PCBP3: variants seen among roughly 807,000 people sequenced by gnomAD.
The protein encoded by PCBP3 is poly(rC) binding protein 3, also known as poly(rC)-binding protein 3.
Under a neutral mutation model 52.7 loss-of-function variants are expected in PCBP3, and 25 were observed. The ratio of observed to expected loss-of-function variants is 0.47; its 90% confidence interval spans 0.35 to 0.66. PCBP3 has a LOEUF of 0.66. Among genes scored for constraint, PCBP3 ranks in the 30% least tolerant of loss-of-function variants. The probability of loss-of-function intolerance (pLI) is 0.01; values close to 1 mark genes in which losing one functional copy is unlikely to be tolerated. For synonymous variants in PCBP3, 162 were observed against 183.0 expected (o/e 0.89, Z 0.93); for missense variants, 391 against 490.3 (o/e 0.80, Z 1.91).
chr21:45,802,722 G>C lies in PCBP3; in HGVS notation c.-125-47239G>C, dbSNP rs562103261. ...CCCTGAGGGAGGCAGGAGCAGGAGGGGCATCGTGTCCCCAAGGACCCCAGG... is the reference window on the plus strand; with the variant it reads ...CCCTGAGGGAGGCAGGAGCAGGAGGCGCATCGTGTCCCCAAGGACCCCAGG... On this transcript the variant is annotated intron_variant, in intron 4 of 17. Transcript: ENST00000681687. The surrounding 1 kb of genome is among the most constrained non-coding windows in gnomAD (Gnocchi z 5.1). Among the ~76,000 whole-genome samples, 23 of 152,270 alleles carry C rather than the reference G, an allele frequency of 1.5e-4. No individual in the cohort carries two copies. The South Asian group carries it at 4.8e-3, about 32-fold the overall frequency.
At chr21:45,906,840 G>T (rs2096221862) in intron 9 of PCBP3, among the ~76,000 whole-genome samples, 1 of 152,222 alleles carries the variant, frequency 6.6e-6, no homozygotes, top group South Asian at 2.1e-4. Context: ...CCAATCAAGG[G>T]CCCAAGGGTT....
At chr21:45,902,178 G>A (rs1014602496) in intron 9 of PCBP3, among the ~76,000 whole-genome samples, 2 of 152,326 alleles carry the variant, frequency 1.3e-5, no homozygotes, top group Non-Finnish European at 2.9e-5. Context: ...GTTGGAACTG[G>A]GGATGCACAT....
At chr21:45,749,855 A>G (rs1321080615) in intron 3 of PCBP3, 3 of 152,108 alleles carry the variant, frequency 2.0e-5, no homozygotes, top group Non-Finnish European at 4.4e-5. Context: ...AATGTCTTTT[A>G]TATTATTTTC....
At chr21:45,930,889 G>A in intron 15 of PCBP3, 44 bp downstream of exon 15, 5 of 1,610,266 alleles carry the variant, frequency 3.1e-6, no homozygotes, top group Non-Finnish European at 4.2e-6. Context: ...CAGGGCAGCA[G>A]AGCAGAGCCC....
At position 45,735,065 on chromosome 21, in the gene PCBP3, T is replaced by G. The variant is rs546145329; in HGVS notation, c.-199-327T>G. On this transcript the variant is annotated intron_variant, in intron 2 of 17. Transcript: ENST00000681687. This position sits in a 1 kb window ranked among gnomAD's most constrained non-coding sequence, Gnocchi z 4.0. The stretch of plus-strand genomic sequence containing the variant: ...TGTGTTCTTACCTTCCCCTATAGAT[T>G]CAGAGGGATTTGAGAATCAGCTGTG... Among the ~76,000 whole-genome samples, 42 of 152,280 alleles carry G rather than the reference T, an allele frequency of 2.8e-4. No individual in the cohort carries two copies. The highest frequency in any genetic ancestry group is 1.2e-3 in the South Asian group (6 of 4,830).
chr21:45,854,616 T>C (rs1416239904), intron 5 of PCBP3, among the ~76,000 whole-genome samples: 1 of 152,238 alleles, frequency 6.6e-6, no homozygotes, highest in Non-Finnish European at 1.5e-5. Context: ...CTGACCGATA[T>C]CCTGTTGTAT....
chr21:45,848,855 G>A (rs1035216452), intron 4 of PCBP3, among the ~76,000 whole-genome samples: 3 of 152,118 alleles, frequency 2.0e-5, no homozygotes, highest in Non-Finnish European at 2.9e-5. Flanking sequence ...GAGTGTCTGC[G>A]ACTTGGAGAA....
intron 4 of PCBP3, among the ~76,000 whole-genome samples, chr21:45,797,936 A>G (rs1054694542): frequency 0.01 from 57 of 5,476 alleles, no homozygotes; most frequent in African/African-American, 0.029. Context: ...GGATGCCTAC[A>G]TGGATGAATG....
At position 45,656,419 on chromosome 21, in the gene PCBP3, C is replaced by T. The variant is rs1200704174; in HGVS notation, c.-278-12455C>T. 2.0e-5 allele frequency among the ~76,000 whole-genome samples: 3 copies of T among 152,056 alleles called. No individual in the cohort carries two copies. Among genetic ancestry groups the T allele is most frequent in the African/African-American group, 7.3e-5 (3 of 41,366 alleles). On this transcript the variant is annotated intron_variant, in intron 1 of 17. Transcript: ENST00000681687. This position sits in a 1 kb window ranked among gnomAD's most constrained non-coding sequence, Gnocchi z 4.3. ...CAGAAAACCAAACACCGCATGTTCTCACTCATAAGTGGGAGTTGAACAATG... is the reference window on the plus strand; with the variant it reads ...CAGAAAACCAAACACCGCATGTTCTTACTCATAAGTGGGAGTTGAACAATG...
intron 1 of PCBP3, among the ~76,000 whole-genome samples, chr21:45,644,967 G>T (rs1569068479): frequency 6.6e-6 from 1 of 152,156 alleles, no homozygotes; most frequent in Non-Finnish European, 1.5e-5. Flanking sequence ...CTATTTAAGA[G>T]AACTAACTCC....
At chr21:45,863,961 A>G (rs1283689757) in intron 5 of PCBP3, among the ~76,000 whole-genome samples, 2 of 152,220 alleles carry the variant, frequency 1.3e-5, no homozygotes, top group African/African-American at 4.8e-5. Context: ...GCCCGCTCAG[A>G]TGATGAGGCT....
chr21:45,858,826 G>A (rs896432653), intron 5 of PCBP3: 1 of 152,120 alleles, frequency 6.6e-6, no homozygotes, highest in Non-Finnish European at 1.5e-5. Flanking sequence ...TGAATCATGG[G>A]GGCGGGTCTT....
chr21:45,841,738 G>A (rs921683942), intron 4 of PCBP3, among the ~76,000 whole-genome samples: 1 of 152,180 alleles, frequency 6.6e-6, no homozygotes, highest in Non-Finnish European at 1.5e-5. Flanking sequence ...ACTATTAGGA[G>A]AAAGTTTTCT....
intron 4 of PCBP3, among the ~76,000 whole-genome samples, chr21:45,803,543 A>G (rs529071583): frequency 4.3e-4 from 65 of 152,210 alleles, no homozygotes; most frequent in South Asian, 3.9e-3. Flanking sequence ...GGTCGGGAAA[A>G]AGCCGTGGTG....
intron 2 of PCBP3, among the ~76,000 whole-genome samples, chr21:45,673,241 T>A (rs2147329132): frequency 6.6e-6 from 1 of 152,340 alleles, no homozygotes; most frequent in Admixed American, 6.5e-5. Flanking sequence ...TTTGACCCAT[T>A]TTCTACTTCC....
intron 13 of PCBP3, chr21:45,918,056 T>G: frequency 3.7e-6 from 1 of 269,638 alleles, no homozygotes; most frequent in Admixed American, 4.8e-5. Flanking sequence ...GAGGGCCTGG[T>G]GAAATTAACT....
intron 2 of PCBP3, among the ~76,000 whole-genome samples, chr21:45,680,881 T>C (rs2081797377): frequency 6.6e-6 from 1 of 152,224 alleles, no homozygotes; most frequent in Admixed American, 6.5e-5. Flanking sequence ...TGTACTGCTA[T>C]AACAAAATAC....
Position 45,800,235 on chromosome 21 carries a change from C to T in PCBP3, c.-126+44783C>T, listed in dbSNP as rs527318825. ...TCTTGCAGCTTTTTCTTGGGAGCAC[C>T]GGGCCAAGCCAGAGGCTCCTGGCAG... On this transcript the variant is annotated intron_variant, in intron 4 of 17. Transcript: ENST00000681687. The surrounding 1 kb of genome is among the most constrained non-coding windows in gnomAD (Gnocchi z 5.3). 2.0e-4 allele frequency among the ~76,000 whole-genome samples: 30 copies of T among 152,246 alleles called. No individual in the cohort carries two copies. Among genetic ancestry groups the T allele is most frequent in the African/African-American group, 5.3e-4 (22 of 41,544 alleles).
chr21:45,778,426 A>G (rs1455587119), intron 4 of PCBP3, among the ~76,000 whole-genome samples: 1 of 152,204 alleles, frequency 6.6e-6, no homozygotes, highest in Non-Finnish European at 1.5e-5. Context: ...GATACTGGTA[A>G]TAGCAGCAGT....
Sources: allele counts gnomAD v4.1 joint callset (sites outside exome capture counted in the v4.1 genomes callset), GRCh38; gene constraint gnomAD v4.1.1; non-coding constraint Gnocchi (gnomAD v3.1); transcripts MANE v1.5; gene names NCBI Gene and HGNC (gene_info 2026-07-23, HGNC 2026-07-21).